The following LUZP2 variants were observed in gnomAD, a reference collection of about 807,000 sequenced individuals.
LUZP2 encodes the protein leucine zipper protein 2.
In LUZP2, 52 loss-of-function variants were observed where a neutral mutation model predicts 51.6. The observed-to-expected ratio is 1.01, with a 90% confidence interval of 0.81 to 1.27. The LOEUF (loss-of-function observed/expected upper bound fraction) is 1.27. Ranked by LOEUF, LUZP2 falls within the 50% of genes most tolerant of loss-of-function variation. The pLI is 0.00. For missense variants in LUZP2, 436 were observed against 395.4 expected, an observed-to-expected ratio of 1.10 and a Z score of -0.87; for synonymous variants, 154 against 137.3, an observed-to-expected ratio of 1.12 and a Z score of -0.85.
chr11:24,582,889 G>C (rs1391932136), intron 1 of LUZP2, among the ~76,000 whole-genome samples: 1 of 152,156 alleles, frequency 6.6e-6, no homozygotes, highest in Non-Finnish European at 1.5e-5. Flanking sequence ...GAATAAAAAG[G>C]AATATACACA....
At chr11:24,602,265 TGTAC>T (rs1439324068) in intron 1 of LUZP2, among the ~76,000 whole-genome samples, 2 of 141,450 alleles carry the variant, frequency 1.4e-5, no homozygotes, top group African/African-American at 5.7e-5. Flanking sequence ...CAAACATATA[TGTAC>T]ATACATATAT....
At chr11:24,597,478 G>C (rs1316982343) in intron 1 of LUZP2, among the ~76,000 whole-genome samples, 1 of 152,124 alleles carries the variant, frequency 6.6e-6, no homozygotes, top group Non-Finnish European at 1.5e-5. Context: ...TGTGTGCTGT[G>C]GTTTTAAAGA....
chr11:24,498,990 A>C (rs1849910214), intron 1 of LUZP2, among the ~76,000 whole-genome samples: 2 of 152,216 alleles, frequency 1.3e-5, no homozygotes, highest in South Asian at 4.1e-4. Flanking sequence ...CCAAAGATTT[A>C]ATGTTCGATA....
chr11:24,567,014 A>T (rs11028024), intron 1 of LUZP2, among the ~76,000 whole-genome samples: 81,258 of 134,428 alleles, frequency 0.6, 23,396 homozygotes, highest in East Asian at 0.72. Flanking sequence ...ATATATATAT[A>T]TTTTTTTTAG....
intron 1 of LUZP2, among the ~76,000 whole-genome samples, chr11:24,663,028 A>C (rs1290981409): frequency 6.6e-6 from 1 of 152,026 alleles, no homozygotes; most frequent in Non-Finnish European, 1.5e-5. Flanking sequence ...TGAATAATAA[A>C]TTTTTAGTTT....
chr11:24,926,360 TGTATATATATATAC>T (rs1480230896), intron 7 of LUZP2, among the ~76,000 whole-genome samples: 7 of 62,692 alleles, frequency 1.1e-4, no homozygotes, highest in African/African-American at 2.5e-4. Context: ...TATATACGTG[TGTATATATATATAC>T]GTGTGTATAT....
At chr11:24,858,197 C>G (rs1313058814) in intron 5 of LUZP2, among the ~76,000 whole-genome samples, 1 of 152,108 alleles carries the variant, frequency 6.6e-6, no homozygotes, top group Non-Finnish European at 1.5e-5. Flanking sequence ...GTTGAGCATA[C>G]TTTTAACAGC....
At chr11:24,827,357 T>A (rs2631504) in intron 5 of LUZP2, among the ~76,000 whole-genome samples, 151,046 of 152,294 alleles carry the variant, frequency 0.99, 74,912 homozygotes, top group Non-Finnish European at 1. Context: ...TTTGTAGATA[T>A]ACTACAAAAA....
intron 1 of LUZP2, among the ~76,000 whole-genome samples, chr11:24,663,701 A>C (rs1856102999): frequency 6.6e-6 from 1 of 152,024 alleles, no homozygotes; most frequent in African/African-American, 2.4e-5. Flanking sequence ...TAGTTCCCAT[A>C]ATCCCCATGC....
intron 1 of LUZP2, among the ~76,000 whole-genome samples, chr11:24,653,426 C>T (rs534927333): frequency 6.6e-6 from 1 of 152,144 alleles, no homozygotes; most frequent in South Asian, 2.1e-4. Flanking sequence ...TTGGGGAAGG[C>T]AGAACATTCA....
intron 1 of LUZP2, among the ~76,000 whole-genome samples, chr11:24,674,468 A>C (rs993239442): frequency 4.6e-5 from 7 of 152,212 alleles, no homozygotes; most frequent in African/African-American, 1.7e-4. Context: ...AATAACAACA[A>C]CCAATGACAC....
chr11:24,593,183 C>G (rs1212510373), intron 1 of LUZP2, among the ~76,000 whole-genome samples: 2 of 152,114 alleles, frequency 1.3e-5, no homozygotes, highest in Non-Finnish European at 2.9e-5. Flanking sequence ...CTGCTCCGAA[C>G]TCCCTAGCGC....
At chr11:24,661,136 T>C (rs1293661910) in intron 1 of LUZP2, among the ~76,000 whole-genome samples, 1 of 150,536 alleles carries the variant, frequency 6.6e-6, no homozygotes, top group Non-Finnish European at 1.5e-5. Flanking sequence ...ACCAGAAATA[T>C]TTGACATTGT....
chr11:24,732,207 T>A lies in LUZP2; in HGVS notation c.251+19T>A. ...AACAAAGGTAAGACTTTTCTTTTTT[T>A]CTTAGTTATTTCTGCCATAGTGTCA... On this transcript the variant is annotated intron_variant, in intron 3 of 11. Transcript: ENST00000336930. 1 of 1,571,336 alleles carries A rather than the reference T, an allele frequency of 6.4e-7. No homozygotes were observed.
At chr11:24,836,613 G>T (rs1046121106) in intron 5 of LUZP2, among the ~76,000 whole-genome samples, 4 of 151,740 alleles carry the variant, frequency 2.6e-5, no homozygotes, top group Non-Finnish European at 4.4e-5. Flanking sequence ...TGCATAACTT[G>T]AACCTTATCA....
intron 7 of LUZP2, among the ~76,000 whole-genome samples, chr11:24,917,362 A>G (rs1441814274): frequency 2.0e-5 from 3 of 151,738 alleles, no homozygotes; most frequent in African/African-American, 4.8e-5. Context: ...GTCAATTTTG[A>G]CTTTTGTTGC....
intron 1 of LUZP2, among the ~76,000 whole-genome samples, chr11:24,614,357 T>G (rs1340304698): frequency 6.6e-6 from 1 of 152,026 alleles, no homozygotes; most frequent in Non-Finnish European, 1.5e-5. Flanking sequence ...GAACTTGTGT[T>G]ACTTTAACTG....
chr11:24,636,134 C>G (rs1163901506), intron 1 of LUZP2, among the ~76,000 whole-genome samples: 1 of 151,948 alleles, frequency 6.6e-6, no homozygotes, highest in Non-Finnish European at 1.5e-5. Flanking sequence ...TTTTATTTGT[C>G]CAATGGAACT....
chr11:24,674,363 T>G (rs562032398), intron 1 of LUZP2, among the ~76,000 whole-genome samples: 1 of 152,320 alleles, frequency 6.6e-6, no homozygotes, highest in South Asian at 2.1e-4. Context: ...GGTTACAGGA[T>G]GAAATACGGT....
Sources: gnomAD v4.1 joint callset for allele counts (sites outside exome capture counted in the v4.1 genomes callset) on GRCh38, gnomAD v4.1.1 for gene constraint, MANE v1.5 for transcripts, NCBI Gene and HGNC (gene_info 2026-07-23, HGNC 2026-07-21) for gene names.